Variants in LAT2 observed in about 807,000 individuals in gnomAD.
The protein encoded by LAT2 is linker for activation of T-cells family member 2.
In LAT2, 23 loss-of-function variants were observed where a neutral mutation model predicts 43.4. That is an observed-to-expected ratio of 0.53 (90% confidence interval 0.38 to 0.75). The LOEUF (loss-of-function observed/expected upper bound fraction) is 0.75, where lower values mean the gene tolerates loss of function less well. LAT2 is among the 30% of genes least tolerant of loss of function. The pLI is 0.00. For missense variants in LAT2, 284 were observed against 310.2 expected (o/e 0.92, Z 0.64); for synonymous variants, 128 against 123.2 (o/e 1.04, Z -0.26).
chr7:74,212,882 T>C (rs1395525074), intron 1 of LAT2, among the ~76,000 whole-genome samples: 1 of 152,192 alleles, frequency 6.6e-6, no homozygotes, highest in Non-Finnish European at 1.5e-5. Context: ...TTGTTCCCAC[T>C]GACTCACTTG....
intron 3 of LAT2, 124 bp from the exon 4 acceptor site, chr7:74,216,701 T>G: frequency 1.4e-6 from 1 of 708,776 alleles, no homozygotes. Flanking sequence ...TGGCCGGTGA[T>G]GATTGACAGT....
Position 74,219,009 on chromosome 7 carries a change from C to CT in LAT2, c.135-697dup, listed in dbSNP as rs781806954. On this transcript the variant is annotated intron_variant, in intron 4 of 13. Coordinates refer to ENST00000460943, the MANE Select transcript of LAT2 (RefSeq NM_032464.3). The stretch of plus-strand genomic sequence containing the variant: ...CACCATGCCGGGTCTAGAGTGTGTG[C>CT]TTTTTTTTTTTTTTTTTTTTTTTTT... Among the ~76,000 whole-genome samples the CT allele has an allele frequency of 1.1e-3, 56 of 48,800 alleles. 17 individuals carry two copies. The highest frequency in any genetic ancestry group is 1.4e-3 in the African/African-American group (19 of 13,918). The allele number at this position is 48,800 out of a possible 152,430, so 32.0% of individuals were successfully genotyped here. A position where few individuals can be genotyped will look rare whatever the true frequency, so the allele number is the denominator to read the frequency against.
intron 10 of LAT2, among the ~76,000 whole-genome samples, chr7:74,221,901 G>A (rs1802298685): frequency 6.6e-6 from 1 of 151,946 alleles, no homozygotes; most frequent in African/African-American, 2.4e-5. Context: ...TGGGCACAGG[G>A]CGTGGGAGAG....
At chr7:74,216,138 C>A (rs1261605166) in intron 3 of LAT2, 69 bp downstream of exon 3, 3 of 1,326,468 alleles carry the variant, frequency 2.3e-6, no homozygotes, top group Admixed American at 2.1e-5. Flanking sequence ...CCCTCTCAGG[C>A]CCAGACGTGG....
At position 74,220,021 on chromosome 7, in the gene LAT2, C is replaced by A; in HGVS notation, c.227+13C>A. On this transcript the variant is annotated intron_variant, in intron 6 of 13. Coordinates refer to ENST00000460943, the MANE Select transcript of LAT2 (RefSeq NM_032464.3). This position sits in a 1 kb window ranked among gnomAD's most constrained non-coding sequence, Gnocchi z 4.5. ...TGGCACCCACAAGGTAGGTCACAGT[C>A]CCCCAGGAAGTGACAAGAATGAAAG... is the stretch of plus-strand genomic sequence containing the variant. The A allele has an allele frequency of 1.2e-6, 2 of 1,613,266 alleles. No homozygotes were observed.
Position 74,220,387 on chromosome 7 carries a change from G to C in LAT2, c.265+133G>C. The C allele has an allele frequency of 8.0e-7, 1 of 1,254,274 alleles. No homozygotes were observed. The allele number at this position is 1,254,274 out of a possible 1,614,324, so 77.7% of individuals were successfully genotyped here. On this transcript the variant is annotated intron_variant, in intron 7 of 13. Transcript: ENST00000460943. The surrounding 1 kb of genome is among the most constrained non-coding windows in gnomAD (Gnocchi z 4.5). Reference sequence around the variant, plus strand: ...GAGGCCTCCCCAGGAGAGACACACAGGCTGGGGCAGGGCAGGCTCCTGGAA... The same window carrying C: ...GAGGCCTCCCCAGGAGAGACACACACGCTGGGGCAGGGCAGGCTCCTGGAA...
intron 13 of LAT2, 90 bp from the exon 14 acceptor site, chr7:74,228,854 A>G (rs1038192360): frequency 2.6e-5 from 4 of 152,178 alleles, no homozygotes; most frequent in Non-Finnish European, 5.9e-5. Context: ...GGCAGGCTCA[A>G]TGGTGTCCCC....
intron 1 of LAT2, 86 bp from the exon 2 acceptor site, chr7:74,214,736 T>A (rs1471329003): frequency 1.9e-5 from 2 of 103,414 alleles, no homozygotes; most frequent in South Asian, 2.7e-4. Context: ...TAAATATATA[T>A]AAAAATATAT....
At chr7:74,219,051 A>T (rs1802155230) in intron 4 of LAT2, among the ~76,000 whole-genome samples, 1 of 73,590 alleles carries the variant, frequency 1.4e-5, no homozygotes, top group Non-Finnish European at 2.4e-5. Context: ...TTTTTTTGAG[A>T]CGGAGTCTCG....
rs1339380107 is a variant in LAT2, at chr7:74,214,149, T to TATGA, written c.-218-672_-218-671insTGAA. Among the ~76,000 whole-genome samples the TATGA allele has an allele frequency of 8.6e-4, 81 of 94,416 alleles. 1 individual carries two copies. In the South Asian group the frequency reaches 8.9e-3, roughly 10 times the overall value. The allele number at this position is 94,416 out of a possible 152,430, so 61.9% of individuals were successfully genotyped here. A position where few individuals can be genotyped will look rare whatever the true frequency, so the allele number is the denominator to read the frequency against. ...ATAAATATATATATGAAAATATATA[T>TATGA]AAATATATATATGAAAATATATATA... On this transcript the variant is annotated intron_variant, in intron 1 of 13. Transcript: ENST00000460943.
At chr7:74,210,501 A>G (rs996197392) in intron 1 of LAT2, among the ~76,000 whole-genome samples, 2 of 152,144 alleles carry the variant, frequency 1.3e-5, no homozygotes, top group Non-Finnish European at 2.9e-5. Flanking sequence ...GCCCCAGGTC[A>G]GGTGAAGAAC....
At chr7:74,212,438 C>T (rs1351894612) in intron 1 of LAT2, among the ~76,000 whole-genome samples, 4 of 151,964 alleles carry the variant, frequency 2.6e-5, no homozygotes, top group African/African-American at 2.4e-5. Context: ...TGCACCTCCA[C>T]GCCTGGCTAA....
At chr7:74,214,010 A>G (rs1801835162) in intron 1 of LAT2, among the ~76,000 whole-genome samples, 3 of 145,374 alleles carry the variant, frequency 2.1e-5, no homozygotes, top group East Asian at 2.0e-4. Flanking sequence ...GTGCAGTAGC[A>G]TGATCACAGC....
chr7:74,211,596 T>G (rs1554713171), intron 1 of LAT2, among the ~76,000 whole-genome samples: 1 of 152,020 alleles, frequency 6.6e-6, no homozygotes, highest in African/African-American at 2.4e-5. Context: ...TAGCTGAGAC[T>G]AGAGGCGCCT....
intron 13 of LAT2, 178 bp downstream of exon 13, chr7:74,224,938 G>T (rs1554715908): frequency 1.2e-5 from 6 of 503,204 alleles, no homozygotes; most frequent in Non-Finnish European, 2.1e-5. Flanking sequence ...CTCTGTTCTG[G>T]CCAGGGGCGT....
chr7:74,219,602 A>C (rs1802185913), intron 4 of LAT2, 142 bp from the exon 5 acceptor site: 1 of 993,646 alleles, frequency 1.0e-6, no homozygotes, highest in African/African-American at 1.6e-5. Context: ...GAGGCCTGAA[A>C]GGGCAGCAGT....
At chr7:74,212,193 T>A (rs1801756571) in intron 1 of LAT2, among the ~76,000 whole-genome samples, 2 of 152,162 alleles carry the variant, frequency 1.3e-5, no homozygotes, top group East Asian at 3.9e-4. Context: ...GATCCTCCTG[T>A]CTCGGCCTCC....
intron 10 of LAT2, among the ~76,000 whole-genome samples, chr7:74,221,921 C>T (rs1802299594): frequency 6.6e-6 from 1 of 151,558 alleles, no homozygotes; most frequent in African/African-American, 2.4e-5. Flanking sequence ...GAGGAGTGGG[C>T]CACAGGGCAG....
chr7:74,228,339 G>T lies in LAT2; in HGVS notation c.*19-605G>T, dbSNP rs1333952706. Among the ~76,000 whole-genome samples the T allele has an allele frequency of 2.0e-5, 3 of 149,032 alleles. No individual in the cohort carries two copies. The East Asian group carries it at 6.0e-4, about 30-fold the overall frequency. ...AAAATACAAAAAATTAGCCGGGCAT[G>T]GTGGCAGGCGCCTGTAGTCCCAGCT... On this transcript the variant is annotated intron_variant, in intron 13 of 13. Transcript: ENST00000460943.
Sources: allele counts gnomAD v4.1 joint callset (sites outside exome capture counted in the v4.1 genomes callset), GRCh38; gene constraint gnomAD v4.1.1; non-coding constraint Gnocchi (gnomAD v3.1); transcripts MANE v1.5; gene names NCBI Gene and HGNC (gene_info 2026-07-23, HGNC 2026-07-21).